Variants in MIPOL1 observed in about 807,000 individuals in gnomAD.
The protein encoded by MIPOL1 is mirror-image polydactyly 1, also known as mirror-image polydactyly gene 1 protein.
Under a neutral mutation model 60.9 loss-of-function variants are expected in MIPOL1, and 57 were observed. The ratio of observed to expected loss-of-function variants is 0.94; its 90% CI spans 0.76 to 1.17. MIPOL1 has a LOEUF of 1.17. Ranked by LOEUF, MIPOL1 falls within the 50% of genes most tolerant of loss-of-function variation. MIPOL1 has a pLI of 0.00. For synonymous variants in MIPOL1, 179 were observed against 168.8 expected (o/e 1.06, Z -0.47); for missense variants, 551 against 511.6 (o/e 1.08, Z -0.74).
At chr14:37,475,157 G>T (rs1188304680) in intron 11 of MIPOL1, among the ~76,000 whole-genome samples, 1 of 151,952 alleles carries the variant, frequency 6.6e-6, no homozygotes, top group Non-Finnish European at 1.5e-5. Flanking sequence ...TAGAGACAGG[G>T]TTTCACCATG....
rs111703939 is a variant in MIPOL1, at chr14:37,350,489, A to G, written c.829-19028A>G. ...TTTTGTGGGTACATAGTAGGTGTATATATTTGTAAGGTACATGAAGTGTTT... is the reference window on the plus strand; with the variant it reads ...TTTTGTGGGTACATAGTAGGTGTATGTATTTGTAAGGTACATGAAGTGTTT... On this transcript the variant is annotated intron_variant, in intron 9 of 12. Transcript: ENST00000684589. 1.3e-5 allele frequency among the ~76,000 whole-genome samples: 2 copies of G among 151,456 alleles called. 1 individual carries two copies. The highest frequency in any genetic ancestry group is 4.9e-5 in the African/African-American group (2 of 41,206).
At chr14:37,413,961 G>A (rs2093721793) in intron 10 of MIPOL1, among the ~76,000 whole-genome samples, 1 of 152,132 alleles carries the variant, frequency 6.6e-6, no homozygotes, top group Non-Finnish European at 1.5e-5. Flanking sequence ...TTTACAATTA[G>A]TGAGATAAAG....
intron 10 of MIPOL1, among the ~76,000 whole-genome samples, chr14:37,420,078 C>T (rs189762699): frequency 4.7e-4 from 70 of 147,380 alleles, no homozygotes; most frequent in Admixed American, 1.9e-3. Context: ...TTTTATGTGA[C>T]GCAAAATAGC....
At chr14:37,539,983 C>T (rs2095523356) in intron 12 of MIPOL1, among the ~76,000 whole-genome samples, 2 of 152,242 alleles carry the variant, frequency 1.3e-5, no homozygotes, top group Admixed American at 6.5e-5. Context: ...GGGGCTTTTC[C>T]CCCTTTTGCT....
At chr14:37,523,425 G>A in intron 12 of MIPOL1, 1 of 366,836 alleles carries the variant, frequency 2.7e-6, no homozygotes, top group Non-Finnish European at 4.9e-6. Flanking sequence ...AAATAGATGA[G>A]TTATAATAGC....
chr14:37,210,734 G>C (rs142759171), intron 1 of MIPOL1, among the ~76,000 whole-genome samples: 2 of 152,292 alleles, frequency 1.3e-5, no homozygotes, highest in East Asian at 3.9e-4. Context: ...CACAAACCTT[G>C]TGACCTCTGG....
chr14:37,416,761 G>A (rs1444799569), intron 10 of MIPOL1, among the ~76,000 whole-genome samples: 2 of 152,040 alleles, frequency 1.3e-5, no homozygotes, highest in East Asian at 1.9e-4. Flanking sequence ...GAGGAAGACC[G>A]TAAACAGCAA....
At chr14:37,356,570 G>A (rs1273834858) in intron 9 of MIPOL1, among the ~76,000 whole-genome samples, 1 of 152,200 alleles carries the variant, frequency 6.6e-6, no homozygotes, top group African/African-American at 2.4e-5. Context: ...CTCTGTGGGT[G>A]TAGGACCCTC....
rs147385652 is a variant in MIPOL1 at position 37,541,659 on chromosome 14, A to C, written c.1263-5246A>C. 7.0e-3 allele frequency among the ~76,000 whole-genome samples: 1,065 copies of C among 152,188 alleles called. 16 individuals are homozygous for C. Among genetic ancestry groups the C allele is most frequent in the African/African-American group, 0.023 (934 of 41,506 alleles). On this transcript the variant is annotated intron_variant, in intron 12 of 12. Coordinates refer to ENST00000684589, the MANE Select transcript of MIPOL1 (RefSeq NM_001388067.1). ...TCCTCACTCTATGCTTTCAGCAGAG[A>C]TCTTACCTTTCTATTCCATGAGGAA...
chr14:37,381,739 T>G (rs1365278982), intron 10 of MIPOL1, among the ~76,000 whole-genome samples: 1 of 149,550 alleles, frequency 6.7e-6, no homozygotes, highest in African/African-American at 2.4e-5. Flanking sequence ...CACACTTCTG[T>G]GCCCTGCTAA....
intron 11 of MIPOL1, among the ~76,000 whole-genome samples, chr14:37,492,934 T>G (rs2095066140): frequency 6.6e-6 from 1 of 152,182 alleles, no homozygotes; most frequent in African/African-American, 2.4e-5. Context: ...AGAACAAAAT[T>G]ACCCCTGGTT....
At chr14:37,318,488 TC>T (rs1409138971) in intron 9 of MIPOL1, among the ~76,000 whole-genome samples, 1 of 152,314 alleles carries the variant, frequency 6.6e-6, no homozygotes, top group Non-Finnish European at 1.5e-5. Flanking sequence ...TGCTTTCCTA[TC>T]ATACAATTAT....
chr14:37,286,250 G>A (rs1401969148), intron 7 of MIPOL1, among the ~76,000 whole-genome samples: 1 of 152,158 alleles, frequency 6.6e-6, no homozygotes, highest in African/African-American at 2.4e-5. Flanking sequence ...CAACCCAGGT[G>A]ATTCTGATAG....
intron 1 of MIPOL1, among the ~76,000 whole-genome samples, chr14:37,220,415 C>A (rs975666793): frequency 1.3e-5 from 2 of 152,044 alleles, no homozygotes; most frequent in African/African-American, 4.8e-5. Flanking sequence ...TACTTTAATA[C>A]TTTTATTATC....
chr14:37,361,977 C>T (rs1222158994), intron 9 of MIPOL1, among the ~76,000 whole-genome samples: 1 of 152,062 alleles, frequency 6.6e-6, no homozygotes, highest in Admixed American at 6.6e-5. Context: ...AGATCTTCCT[C>T]CTTCCCTTTG....
chr14:37,544,708 T>C (rs923436075), intron 12 of MIPOL1, among the ~76,000 whole-genome samples: 1 of 152,210 alleles, frequency 6.6e-6, no homozygotes, highest in Non-Finnish European at 1.5e-5. Flanking sequence ...TTCACAAAAC[T>C]AAGTAATTGA....
intron 5 of MIPOL1, among the ~76,000 whole-genome samples, chr14:37,269,104 G>T (rs1441321777): frequency 6.6e-6 from 1 of 151,874 alleles, no homozygotes; most frequent in Non-Finnish European, 1.5e-5. Flanking sequence ...GTATTATAGA[G>T]AATGGGAGAT....
chr14:37,311,596 G>A (rs1342649350), intron 9 of MIPOL1, among the ~76,000 whole-genome samples: 5 of 151,790 alleles, frequency 3.3e-5, no homozygotes, highest in Non-Finnish European at 7.4e-5. Context: ...TTGAATTATT[G>A]TCTTATATTT....
chr14:37,236,594 G>A (rs557715723), intron 1 of MIPOL1, among the ~76,000 whole-genome samples: 3 of 152,020 alleles, frequency 2.0e-5, no homozygotes, highest in Non-Finnish European at 4.4e-5. Context: ...GCCCCACCAT[G>A]CTTGGCTAAT....
Sources: gnomAD v4.1 joint callset for allele counts (sites outside exome capture counted in the v4.1 genomes callset) on GRCh38, gnomAD v4.1.1 for gene constraint, MANE v1.5 for transcripts, NCBI Gene and HGNC (gene_info 2026-07-23, HGNC 2026-07-21) for gene names.